The following DENND4C variants were observed in gnomAD, a reference collection of about 807,000 sequenced individuals.
DENND4C encodes DENN domain-containing protein 4C.
A neutral mutation model predicts 203.0 loss-of-function variants in DENND4C; 108 were observed. That is an observed-to-expected ratio of 0.53 (90% CI 0.46 to 0.62). The LOEUF (loss-of-function observed/expected upper bound fraction) is 0.62, where lower values mean the gene tolerates loss of function less well. DENND4C is among the 20% of genes least tolerant of loss of function. The pLI is 0.00. For synonymous variants in DENND4C, 871 were observed against 792.4 expected (o/e 1.10, Z -1.67); for missense variants, 2,481 against 2,301.2 (o/e 1.08, Z -1.60).
Position 19,276,207 on chromosome 9 carries a change from C to T in DENND4C, c.33C>T (p.Asp11=), listed in dbSNP as rs1832880072. The T allele has an allele frequency of 8.1e-7, 1 of 1,231,952 alleles. No homozygotes were observed. Among genetic ancestry groups the T allele is most frequent in the Non-Finnish European group, 1.0e-6 (1 of 987,930 alleles). The allele number at this position is 1,231,952 out of a possible 1,614,324, so 76.3% of individuals were successfully genotyped here. A position where few individuals can be genotyped will look rare whatever the true frequency, so the allele number is the denominator to read the frequency against. ...AAGACAAAGGACCAAGAGTGACAGA[C>T]TACTTTGTCGTAGCTGGTCTCACTG... MIEDKGPRVT[D]YFVVAGLTDT... The change falls in exon 2 of 33, where the codon GAC becomes GAT. Residue 11 remains aspartate (D), a synonymous_variant. Transcript: ENST00000434457.
intron 1 of DENND4C, among the ~76,000 whole-genome samples, chr9:19,245,024 C>T (rs1318978735): frequency 6.6e-6 from 1 of 152,196 alleles, no homozygotes; most frequent in East Asian, 1.9e-4. Flanking sequence ...GGTTTCTTTT[C>T]TAACCTACCT....
chr9:19,350,902 C>G (rs776360598), intron 24 of DENND4C, 23 bp downstream of exon 24: 1 of 1,558,074 alleles, frequency 6.4e-7, no homozygotes, highest in Non-Finnish European at 8.7e-7. Flanking sequence ...ATTATCCTTT[C>G]TTCATTTGCT....
In DENND4C at chr9:19,271,809, C is replaced by T. The variant is rs543655245; in HGVS notation, c.-17-4349C>T. On this transcript the variant is annotated intron_variant, in intron 1 of 32. Coordinates refer to ENST00000434457, the MANE Select transcript of DENND4C (RefSeq NM_001330640.2). Reference sequence around the variant, plus strand: ...GAACCTGGGAGGCGAACGAAGGTTGCGTTGAGTTGAGATCGCGCCATTGCA... The same window carrying T: ...GAACCTGGGAGGCGAACGAAGGTTGTGTTGAGTTGAGATCGCGCCATTGCA... 2.1e-4 allele frequency among the ~76,000 whole-genome samples: 30 copies of T among 145,928 alleles called. 1 individual carries two copies. In the South Asian group the frequency reaches 3.5e-3, roughly 17 times the overall value.
In DENND4C at chr9:19,373,648, GA is replaced by G. The variant is rs1276502251; in HGVS notation, c.*1476del. On this transcript the variant is annotated 3_prime_UTR_variant, in exon 33 of 33. Coordinates refer to ENST00000434457, the MANE Select transcript of DENND4C (RefSeq NM_001330640.2). ...ATCATGATCTCACATGCCTCACTTT[GA>G]CATTTATCATGCCTTTTATTAAAAA... The G allele has an allele frequency of 6.6e-6, 1 of 152,534 alleles. No individual in the cohort carries two copies. The highest frequency in any genetic ancestry group is 1.5e-5 in the Non-Finnish European group (1 of 68,012). The allele number at this position is 152,534 out of a possible 1,614,324, so 9.4% of individuals were successfully genotyped here. A position where few individuals can be genotyped will look rare whatever the true frequency, so the allele number is the denominator to read the frequency against.
chr9:19,239,071 A>G (rs1823027231), intron 1 of DENND4C, among the ~76,000 whole-genome samples: 1 of 151,894 alleles, frequency 6.6e-6, no homozygotes, highest in South Asian at 2.1e-4. Flanking sequence ...AGATACTGAT[A>G]TTTATTGTTT....
intron 20 of DENND4C, among the ~76,000 whole-genome samples, chr9:19,340,108 C>T (rs186751469): frequency 2.0e-5 from 3 of 152,228 alleles, no homozygotes; most frequent in Middle Eastern, 3.4e-3. Flanking sequence ...GCCATTTCTT[C>T]GGGGATCCCA....
In DENND4C at chr9:19,286,794, C is replaced by T. The variant is rs771525265; in HGVS notation, c.331C>T (p.Leu111Phe). 49 of 1,231,974 alleles carry T rather than the reference C, an allele frequency of 4.0e-5. No homozygotes were observed. Among genetic ancestry groups the T allele is most frequent in the Non-Finnish European group, 4.9e-5 (48 of 987,952 alleles). 76.3% of individuals were successfully genotyped at this position (1,231,974 alleles called of 1,614,324 possible). A position where few individuals can be genotyped will look rare whatever the true frequency, so the allele number is the denominator to read the frequency against. ...IGVLYEGKERLIPGCEVILAT... is the reference protein window; with the variant it reads ...IGVLYEGKERFIPGCEVILAT... Reference sequence around the variant, plus strand: ...AGTTCTATATGAAGGGAAAGAACGGCTTATTCCAGGATGTGAAGTGATCCT... The same window carrying T: ...AGTTCTATATGAAGGGAAAGAACGGTTTATTCCAGGATGTGAAGTGATCCT... The change falls in exon 3 of 33, where the codon CTT becomes TTT. Residue 111 changes from leucine (L) to phenylalanine (F), a missense_variant. Coordinates refer to ENST00000434457, the MANE Select transcript of DENND4C (RefSeq NM_001330640.2).
At chr9:19,234,149 T>G (rs555327543) in intron 1 of DENND4C, among the ~76,000 whole-genome samples, 4 of 152,314 alleles carry the variant, frequency 2.6e-5, no homozygotes, top group African/African-American at 9.6e-5. Context: ...AGTCCAAAGT[T>G]TTATTTACTG....
chr9:19,285,771 G>A (rs191143186), intron 2 of DENND4C, among the ~76,000 whole-genome samples: 2 of 152,146 alleles, frequency 1.3e-5, no homozygotes, highest in Admixed American at 1.3e-4. Flanking sequence ...TCATGCTTTT[G>A]CAGGTGGATA....
At chr9:19,295,940 A>T in intron 5 of DENND4C, 68 bp from the exon 6 acceptor site, 1 of 1,166,316 alleles carries the variant, frequency 8.6e-7, no homozygotes. Context: ...TTGTGTAATA[A>T]GAAAAAAAGA....
At chr9:19,371,850 G>T in intron 32 of DENND4C, 30 bp downstream of exon 32, 4 of 1,380,836 alleles carry the variant, frequency 2.9e-6, no homozygotes, top group South Asian at 1.3e-5. Flanking sequence ...ATTATGAAAG[G>T]AAGTTTTACA....
chr9:19,364,317 C>G (rs1292900636), intron 30 of DENND4C, among the ~76,000 whole-genome samples: 1 of 152,140 alleles, frequency 6.6e-6, no homozygotes, highest in Non-Finnish European at 1.5e-5. Context: ...CTTTCATATA[C>G]TTTTAGATGT....
At chr9:19,300,095 A>T in intron 8 of DENND4C, 92 bp from the exon 9 acceptor site, 2 of 1,251,254 alleles carry the variant, frequency 1.6e-6, no homozygotes, top group Non-Finnish European at 2.1e-6. Flanking sequence ...TTAACACTAG[A>T]CTCTCAATCT....
intron 12 of DENND4C, among the ~76,000 whole-genome samples, chr9:19,318,291 C>G (rs1411103330): frequency 1.3e-5 from 2 of 151,740 alleles, no homozygotes; most frequent in Admixed American, 1.3e-4. Flanking sequence ...TGCACTCCAG[C>G]CTGGGCGACA....
chr9:19,260,924 G>T (rs1203368619), intron 1 of DENND4C, among the ~76,000 whole-genome samples: 1 of 152,088 alleles, frequency 6.6e-6, no homozygotes, highest in Non-Finnish European at 1.5e-5. Context: ...AAAGAAAAAA[G>T]AAAGAGATCT....
chr9:19,276,287 G>T lies in DENND4C; in HGVS notation c.113G>T (p.Gly38Val). The T allele has an allele frequency of 8.1e-7, 1 of 1,232,016 alleles. No individual in the cohort carries two copies. The highest frequency in any genetic ancestry group is 1.0e-6 in the Non-Finnish European group (1 of 987,886). 76.3% of individuals were successfully genotyped at this position (1,232,016 alleles called of 1,614,324 possible). The change falls in exon 2 of 33, where the codon GGA becomes GTA. Residue 38 changes from glycine (G) to valine (V), a missense_variant. Coordinates refer to ENST00000434457, the MANE Select transcript of DENND4C (RefSeq NM_001330640.2). ...AATCGTTTAGATACTAAGTCAACTG[G>T]ACCTAAAGCTCCAATTACAGACATT... ...EINRLDTKST[G>V]PKAPITDIAI...
intron 22 of DENND4C, 128 bp downstream of exon 22, chr9:19,342,907 A>G: frequency 1.4e-6 from 1 of 704,040 alleles, no homozygotes; most frequent in Admixed American, 4.0e-5. Flanking sequence ...GGGACTTTTG[A>G]ATTCTCTAAA....
At chr9:19,302,709 C>A (rs558771327) in intron 9 of DENND4C, among the ~76,000 whole-genome samples, 1 of 152,336 alleles carries the variant, frequency 6.6e-6, no homozygotes, top group South Asian at 2.1e-4. Flanking sequence ...CTTCAGCAAT[C>A]TGATCTTATT....
At chr9:19,261,801 GT>G (rs932648468) in intron 1 of DENND4C, among the ~76,000 whole-genome samples, 2 of 151,958 alleles carry the variant, frequency 1.3e-5, no homozygotes, top group African/African-American at 4.8e-5. Flanking sequence ...ACCATGCCTG[GT>G]CTCTTTCCGT....
Sources: allele counts gnomAD v4.1 joint callset (sites outside exome capture counted in the v4.1 genomes callset), GRCh38; gene constraint gnomAD v4.1.1; transcripts MANE v1.5; gene names NCBI Gene and HGNC (gene_info 2026-07-23, HGNC 2026-07-21).